Variants in AMBRA1 observed in about 807,000 individuals in gnomAD.
AMBRA1 encodes activating molecule in BECN1-regulated autophagy protein 1.
Under a neutral mutation model 125.4 loss-of-function variants are expected in AMBRA1, and 47 were observed. The observed-to-expected ratio is 0.37, with a 90% CI of 0.30 to 0.48. The LOEUF (loss-of-function observed/expected upper bound fraction) is 0.48. Ranked by LOEUF, AMBRA1 falls within the 20% of genes least tolerant of loss-of-function variation. AMBRA1 has a pLI of 0.99. For synonymous variants in AMBRA1, 626 were observed against 655.5 expected, an observed-to-expected ratio of 0.95 and a Z score of 0.69; for missense variants, 1,331 against 1,693.4, an observed-to-expected ratio of 0.79 and a Z score of 3.76.
chr11:46,399,135 T>C (rs763495876), intron 17 of AMBRA1, among the ~76,000 whole-genome samples: 5 of 152,114 alleles, frequency 3.3e-5, no homozygotes, highest in Admixed American at 6.6e-5. Flanking sequence ...AGTGCAATGA[T>C]GCGATCTCAG....
At position 46,480,453 on chromosome 11, in the gene AMBRA1, G is replaced by A. The variant is rs187290598; in HGVS notation, c.2521+13155C>T. ...ATGCCACTAAATTTGGGGGTGGTTT[G>A]TTCAGCAGCAAAAGCTAAATGACAT... On this transcript the variant is annotated intron_variant, in intron 11 of 17. Transcript: ENST00000683756. Among the ~76,000 whole-genome samples the A allele has an allele frequency of 2.6e-4, 39 of 152,250 alleles. No individual in the cohort carries two copies. In the East Asian group the frequency reaches 7.1e-3, roughly 28 times the overall value.
At chr11:46,414,798 C>T (rs1179832392) in intron 15 of AMBRA1, among the ~76,000 whole-genome samples, 1 of 152,208 alleles carries the variant, frequency 6.6e-6, no homozygotes, top group Non-Finnish European at 1.5e-5. Flanking sequence ...GAGGGGCTGA[C>T]TGGCCAGTTG....
chr11:46,425,350 G>GTGTGTGTGTGTC (rs1947075778), intron 14 of AMBRA1, among the ~76,000 whole-genome samples: 1 of 149,626 alleles, frequency 6.7e-6, no homozygotes, highest in South Asian at 2.1e-4. Flanking sequence ...GTGTGTGTGT[G>GTGTGTGTGTGTC]TAAGAAGTAG....
At chr11:46,454,700 G>A (rs1267550619) in intron 11 of AMBRA1, among the ~76,000 whole-genome samples, 3 of 151,676 alleles carry the variant, frequency 2.0e-5, no homozygotes, top group Non-Finnish European at 2.9e-5. Context: ...GCAGCGAGCC[G>A]AGATCACGCC....
chr11:46,588,425 G>A (rs1179252735), intron 1 of AMBRA1, among the ~76,000 whole-genome samples: 1 of 152,154 alleles, frequency 6.6e-6, no homozygotes, highest in Non-Finnish European at 1.5e-5. Flanking sequence ...AACAATTGAA[G>A]AGTACTTTAT....
intron 17 of AMBRA1, among the ~76,000 whole-genome samples, chr11:46,401,808 C>G (rs1663039470): frequency 2.0e-5 from 3 of 152,218 alleles, no homozygotes; most frequent in African/African-American, 7.2e-5. Flanking sequence ...TATTACCATC[C>G]TAATTCAGCT....
In AMBRA1 at chr11:46,543,038, C is replaced by A. The variant is rs763048096; in HGVS notation, c.979G>T (p.Asp327Tyr). The change falls in exon 7 of 18, where the codon GAC becomes TAC. Residue 327 changes from aspartate to tyrosine, a missense_variant. This residue lies in a region of AMBRA1 where 689 missense variants were observed against 776.5 expected (regional missense o/e 0.89). Coordinates refer to ENST00000683756, the MANE Select transcript of AMBRA1 (RefSeq NM_001387011.1). ...CTGGCAGAAGCAGGGGGGACACTGT[C>A]CTGGTGTGGCAAGAGGGAAGGAACT... ...TRVPSLLPHQ[D>Y]SVPPASARAT... is the part of the protein sequence containing the mutation. The A allele has an allele frequency of 6.3e-7, 1 of 1,599,072 alleles. No homozygotes were observed. Among genetic ancestry groups the A allele is most frequent in the East Asian group, 2.2e-5 (1 of 44,870 alleles).
intron 7 of AMBRA1, among the ~76,000 whole-genome samples, chr11:46,526,617 T>C (rs1199820598): frequency 3.3e-5 from 5 of 149,944 alleles, no homozygotes; most frequent in African/African-American, 9.8e-5. Flanking sequence ...TGAGTCTACA[T>C]GACAAGGGAG....
intron 11 of AMBRA1, among the ~76,000 whole-genome samples, chr11:46,445,539 G>A (rs1005478431): frequency 1.3e-5 from 2 of 152,148 alleles, no homozygotes; most frequent in African/African-American, 2.4e-5. Flanking sequence ...TAAGATACCT[G>A]AACGACTTTA....
At chr11:46,448,561 A>C (rs1948424413) in intron 11 of AMBRA1, among the ~76,000 whole-genome samples, 1 of 152,174 alleles carries the variant, frequency 6.6e-6, no homozygotes. Flanking sequence ...GAAAGAAGAA[A>C]AAGAGCAAAT....
At chr11:46,403,512 C>T (rs538450449) in intron 17 of AMBRA1, among the ~76,000 whole-genome samples, 2 of 152,314 alleles carry the variant, frequency 1.3e-5, no homozygotes, top group Admixed American at 6.5e-5. Context: ...TAATTCCATG[C>T]TTGCCCTGAA....
chr11:46,470,996 A>G (rs1721599806), intron 11 of AMBRA1, among the ~76,000 whole-genome samples: 1 of 152,210 alleles, frequency 6.6e-6, no homozygotes, highest in Admixed American at 6.5e-5. Flanking sequence ...AAAACAGGGA[A>G]GAGGCATGGA....
At chr11:46,583,259 C>T (rs1209344200) in intron 1 of AMBRA1, among the ~76,000 whole-genome samples, 3 of 151,776 alleles carry the variant, frequency 2.0e-5, no homozygotes, top group East Asian at 1.9e-4. Context: ...GAAAGGATTC[C>T]CTATTTAATA....
At chr11:46,398,045 C>G in intron 17 of AMBRA1, 102 bp from the exon 18 acceptor site, 3 of 1,431,718 alleles carry the variant, frequency 2.1e-6, no homozygotes, top group South Asian at 1.4e-5. Context: ...CTTGACTAAA[C>G]GCAGGATAGA....
At chr11:46,584,267 A>G (rs35327580) in intron 1 of AMBRA1, among the ~76,000 whole-genome samples, 31,755 of 145,310 alleles carry the variant, frequency 0.22, 3,818 homozygotes, top group African/African-American at 0.33. Context: ...GTAAACTATC[A>G]CAAGGACAAA....
At chr11:46,581,361 C>A (rs2044162456) in intron 1 of AMBRA1, among the ~76,000 whole-genome samples, 2 of 151,794 alleles carry the variant, frequency 1.3e-5, no homozygotes, top group Non-Finnish European at 2.9e-5. Flanking sequence ...GTAATCCCAG[C>A]ACTTTGGGAG....
intron 11 of AMBRA1, among the ~76,000 whole-genome samples, chr11:46,475,628 C>T (rs1233549884): frequency 6.6e-6 from 1 of 152,204 alleles, no homozygotes; most frequent in East Asian, 1.9e-4. Context: ...AGAGACAGAG[C>T]CCCTGAGGCC....
At chr11:46,588,747 A>G (rs2044490052) in intron 1 of AMBRA1, among the ~76,000 whole-genome samples, 1 of 149,456 alleles carries the variant, frequency 6.7e-6, no homozygotes, top group Non-Finnish European at 1.5e-5. Flanking sequence ...TGCACACCAG[A>G]TTGGGCAACA....
At chr11:46,478,859 T>C (rs1949938618) in intron 11 of AMBRA1, among the ~76,000 whole-genome samples, 2 of 152,242 alleles carry the variant, frequency 1.3e-5, no homozygotes, top group Non-Finnish European at 2.9e-5. Context: ...TTTATATCCT[T>C]TGGTATGCTG....
Sources: allele counts gnomAD v4.1 joint callset (sites outside exome capture counted in the v4.1 genomes callset), GRCh38; gene constraint gnomAD v4.1.1; regional missense constraint gnomAD v4.1.1; transcripts MANE v1.5; gene names NCBI Gene and HGNC (gene_info 2026-07-23, HGNC 2026-07-21).